The following TMEM178A variants were observed in gnomAD, a reference collection of about 807,000 sequenced individuals.
TMEM178A encodes the protein transmembrane protein 178.
A neutral mutation model predicts 29.1 loss-of-function variants in TMEM178A; 12 were observed. The ratio of observed to expected loss-of-function variants is 0.41; its 90% CI spans 0.26 to 0.67. TMEM178A has a LOEUF of 0.67. Among genes scored for constraint, TMEM178A ranks in the 30% least tolerant of loss-of-function variants. The pLI, the probability that TMEM178A is intolerant of heterozygous loss-of-function variation, is 0.29. For synonymous variants in TMEM178A, 210 were observed against 187.2 expected (o/e 1.12, Z -0.99); for missense variants, 366 against 419.1 (o/e 0.87, Z 1.11).
chr2:39,680,516 A>G (rs896202998), intron 1 of TMEM178A, among the ~76,000 whole-genome samples: 3 of 152,150 alleles, frequency 2.0e-5, no homozygotes, highest in Admixed American at 6.5e-5. Context: ...AACATTTACC[A>G]TTTGGTTAGA....
At chr2:39,734,921 C>T in the TMEM178A span, among the ~76,000 whole-genome samples, 1 of 152,180 alleles carries the variant, frequency 6.6e-6, no homozygotes. Context: ...AATCCATGTG[C>T]CTCCTACCAA....
At chr2:39,709,592 G>A (rs996572390) in intron 3 of TMEM178A, among the ~76,000 whole-genome samples, 15 of 152,322 alleles carry the variant, frequency 9.8e-5, no homozygotes, top group African/African-American at 3.4e-4. Context: ...AGAGAGGACT[G>A]CACTGCACAG....
chr2:39,672,406 A>G (rs1442055268), intron 1 of TMEM178A, among the ~76,000 whole-genome samples: 3 of 152,190 alleles, frequency 2.0e-5, no homozygotes, highest in South Asian at 2.1e-4. Flanking sequence ...TTCACATCCA[A>G]TTATACCCGA....
chr2:39,723,806 A>G, the TMEM178A span, among the ~76,000 whole-genome samples: 2 of 152,176 alleles, frequency 1.3e-5, no homozygotes, highest in Non-Finnish European at 2.9e-5. Context: ...CTTCCTGCAC[A>G]GCATCCACGT....
At chr2:39,678,732 C>T (rs1670737733) in intron 1 of TMEM178A, among the ~76,000 whole-genome samples, 1 of 152,212 alleles carries the variant, frequency 6.6e-6, no homozygotes, top group African/African-American at 2.4e-5. Flanking sequence ...CCACTGCCTA[C>T]AGCTACAAGT....
intron 2 of TMEM178A, among the ~76,000 whole-genome samples, chr2:39,704,670 AG>A (rs1307157532): frequency 1.3e-5 from 2 of 152,228 alleles, no homozygotes; most frequent in Admixed American, 1.3e-4. Flanking sequence ...TCTCAATGAA[AG>A]GAACTATTCT....
At chr2:39,696,565 G>A (rs1057026251) in intron 1 of TMEM178A, among the ~76,000 whole-genome samples, 1 of 152,126 alleles carries the variant, frequency 6.6e-6, no homozygotes, top group Non-Finnish European at 1.5e-5. Flanking sequence ...GTGAGCTTCA[G>A]TAATTTGCCA....
At chr2:39,704,819 A>AT (rs918429797) in intron 2 of TMEM178A, among the ~76,000 whole-genome samples, 10 of 152,136 alleles carry the variant, frequency 6.6e-5, no homozygotes, top group Non-Finnish European at 1.5e-4. Context: ...ACTACTGTGA[A>AT]TTTTTTTGGT....
rs2148121692 is a variant in TMEM178A at position 39,717,192 on chromosome 2, C to T, written c.835C>T (p.Pro279Ser). 4 of 1,613,362 alleles carry T rather than the reference C, an allele frequency of 2.5e-6. No individual in the cohort carries two copies. The highest frequency in any genetic ancestry group is 3.4e-6 in the Non-Finnish European group (4 of 1,179,908). ...VAAGGLCIAY[P>S]FISRTKIAQL... is the part of the protein sequence containing the mutation. ...AGCTGGAGGTCTCTGCATCGCTTAT[C>T]CGTTTATTAGCCGGACCAAGATTGC... The change falls in exon 4 of 4, where the codon CCG (proline) becomes TCG (serine). Residue 279 changes from proline (P) to serine (S), a missense_variant. Pro to Ser is a moderately conservative substitution (Grantham distance 74). This residue lies in a region of TMEM178A where 119 missense variants were observed against 172.2 expected (regional missense o/e 0.69). Coordinates refer to ENST00000281961, the MANE Select transcript of TMEM178A (RefSeq NM_152390.3).
the TMEM178A span, among the ~76,000 whole-genome samples, chr2:39,734,101 T>C: frequency 6.6e-6 from 1 of 152,232 alleles, no homozygotes; most frequent in Non-Finnish European, 1.5e-5. Flanking sequence ...GCAAAACTAG[T>C]TGTAAGAACT....
In TMEM178A at chr2:39,666,340, C is replaced by T; in HGVS notation, c.366C>T (p.Gly122=). Residue 122 remains glycine (G), a synonymous_variant, in exon 1 of 4, where the codon GGC becomes GGT. Coordinates refer to ENST00000281961, the MANE Select transcript of TMEM178A (RefSeq NM_152390.3). ...TCTGGAGGAAGTGCTACTTCCTGGG[C>T]ATCGACCGGGACATCGACACCCTCA... ...SGLWRKCYFL[G]IDRDIDTLIL... is the part of the protein sequence containing the mutation. 4.1e-6 allele frequency: 6 copies of T among 1,447,978 alleles called. No homozygotes were observed. The highest frequency in any genetic ancestry group is 5.5e-6 in the Non-Finnish European group (6 of 1,099,724). The allele number at this position is 1,447,978 out of a possible 1,614,324, so 89.7% of individuals were successfully genotyped here.
chr2:39,681,434 T>A (rs1375401528), intron 1 of TMEM178A, among the ~76,000 whole-genome samples: 1 of 152,204 alleles, frequency 6.6e-6, no homozygotes, highest in East Asian at 1.9e-4. Flanking sequence ...TTCGGAAGAC[T>A]TAAAAGATTA....
At chr2:39,683,479 G>A (rs1670953002) in intron 1 of TMEM178A, among the ~76,000 whole-genome samples, 1 of 152,172 alleles carries the variant, frequency 6.6e-6, no homozygotes, top group African/African-American at 2.4e-5. Context: ...ATCGGATCTG[G>A]TGCTGTTCCA....
chr2:39,725,850 A>G, the TMEM178A span, among the ~76,000 whole-genome samples: 1 of 152,178 alleles, frequency 6.6e-6, no homozygotes. Context: ...AAATGGTTCT[A>G]GGGCCTCGGC....
At chr2:39,666,436 C>T (rs1322812294) in intron 1 of TMEM178A, 62 bp downstream of exon 1, 4 of 1,219,352 alleles carry the variant, frequency 3.3e-6, no homozygotes, top group Non-Finnish European at 4.1e-6. Flanking sequence ...CCGCGGCTTC[C>T]CAGGGGCGCG....
chr2:39,717,032 C>T lies in TMEM178A; in HGVS notation c.675C>T (p.Leu225=), dbSNP rs370900847. The change falls in exon 4 of 4, where the codon CTC becomes CTT. Residue 225 remains leucine (L), a synonymous_variant. Transcript: ENST00000281961. The part of the protein sequence containing the change: ...LMTGIFCTIS[L]CTYAASISYD... ...TAGGGATATTTTGCACCATTTCCCT[C>T]TGTACTTATGCCGCCAGTATCTCGT... is the stretch of plus-strand genomic sequence containing the variant. The T allele has an allele frequency of 4.7e-5, 76 of 1,611,278 alleles. No individual in the cohort carries two copies. The highest frequency in any genetic ancestry group is 5.8e-5 in the Non-Finnish European group (69 of 1,179,644).
the TMEM178A span, among the ~76,000 whole-genome samples, chr2:39,733,521 G>GTAAC: frequency 6.6e-6 from 1 of 152,294 alleles, no homozygotes; most frequent in African/African-American, 2.4e-5. Flanking sequence ...TGCCTGTTGT[G>GTAAC]TAACTCAGCA....
chr2:39,729,083 A>T, the TMEM178A span, among the ~76,000 whole-genome samples: 1 of 152,162 alleles, frequency 6.6e-6, no homozygotes, highest in East Asian at 1.9e-4. Flanking sequence ...GCAGAAAAGG[A>T]ATTCATTAAA....
chr2:39,724,198 T>TGA, the TMEM178A span, among the ~76,000 whole-genome samples: 1 of 152,160 alleles, frequency 6.6e-6, no homozygotes, highest in Non-Finnish European at 1.5e-5. Context: ...GATCTCTATT[T>TGA]AAGTGGGTAT....
Sources: allele counts gnomAD v4.1 joint callset (sites outside exome capture counted in the v4.1 genomes callset), GRCh38; gene constraint gnomAD v4.1.1; regional missense constraint gnomAD v4.1.1; transcripts MANE v1.5; gene names NCBI Gene and HGNC (gene_info 2026-07-23, HGNC 2026-07-21).